CACNA1C: variants seen among roughly 807,000 people sequenced by gnomAD.
The protein encoded by CACNA1C is calcium voltage-gated channel subunit alpha1 C, also known as voltage-dependent L-type calcium channel subunit alpha-1C.
In CACNA1C, 30 loss-of-function variants were observed where a neutral mutation model predicts 229.0. The ratio of observed to expected loss-of-function variants is 0.13; its 90% CI spans 0.10 to 0.18. The LOEUF is 0.18. Ranked by LOEUF, CACNA1C falls within the 10% of genes least tolerant of loss-of-function variation. The pLI is 1.00. For synonymous variants in CACNA1C, 1,114 were observed against 1,132.5 expected, an observed-to-expected ratio of 0.98 and a Z score of 0.33; for missense variants, 1,658 against 2,845.0, an observed-to-expected ratio of 0.58 and a Z score of 9.49.
At chr12:2,286,656 G>A (rs1310657019) in intron 3 of CACNA1C, among the ~76,000 whole-genome samples, 1 of 152,142 alleles carries the variant, frequency 6.6e-6, no homozygotes, top group Non-Finnish European at 1.5e-5. Flanking sequence ...GAGTGGAGGA[G>A]GCGCAGTCCC....
chr12:2,110,492 A>G (rs1252137517), intron 1 of CACNA1C, among the ~76,000 whole-genome samples: 1 of 152,238 alleles, frequency 6.6e-6, no homozygotes, highest in African/African-American at 2.4e-5. Flanking sequence ...GCTGGCAGCC[A>G]GGAGGCTGAG....
chr12:2,212,417 T>G (rs1486022485), intron 3 of CACNA1C, among the ~76,000 whole-genome samples: 3 of 152,232 alleles, frequency 2.0e-5, no homozygotes, highest in African/African-American at 7.2e-5. Context: ...ATGCAGGTTC[T>G]GTGTTTGAGG....
At chr12:2,627,659 C>A (rs565587883) in intron 29 of CACNA1C, among the ~76,000 whole-genome samples, 1 of 152,114 alleles carries the variant, frequency 6.6e-6, no homozygotes, top group Non-Finnish European at 1.5e-5. Flanking sequence ...TCCCTAGGTC[C>A]GGTGAAGCCA....
chr12:2,334,977 T>C (rs968995498), intron 3 of CACNA1C, among the ~76,000 whole-genome samples: 1 of 152,176 alleles, frequency 6.6e-6, no homozygotes, highest in African/African-American at 2.4e-5. Flanking sequence ...TTTTCCCCCA[T>C]AGACCTATCC....
chr12:2,001,787 T>G (rs893628451), intron 1 of CACNA1C, among the ~76,000 whole-genome samples: 8 of 152,198 alleles, frequency 5.3e-5, no homozygotes, highest in Admixed American at 3.3e-4. Context: ...CGTTAGTCAC[T>G]TTAGGGCAGT....
intron 9 of CACNA1C, among the ~76,000 whole-genome samples, chr12:2,529,097 G>A (rs573772859): frequency 1.1e-4 from 16 of 152,300 alleles, no homozygotes; most frequent in Middle Eastern, 3.4e-3. Flanking sequence ...TTAACTACAT[G>A]ACTTTTAGCT....
chr12:2,525,276 G>T (rs1343458311), intron 9 of CACNA1C, among the ~76,000 whole-genome samples: 1 of 152,184 alleles, frequency 6.6e-6, no homozygotes, highest in African/African-American at 2.4e-5. Context: ...GCGGAGTGGG[G>T]GTCAGTCAGA....
At chr12:2,384,028 A>G (rs533607164) in intron 3 of CACNA1C, among the ~76,000 whole-genome samples, 3 of 152,344 alleles carry the variant, frequency 2.0e-5, no homozygotes, top group East Asian at 3.9e-4. Context: ...CCACCCCTAC[A>G]TGGAGAACCT....
chr12:2,327,075 GA>G (rs112526054), intron 3 of CACNA1C, among the ~76,000 whole-genome samples: 4,821 of 152,324 alleles, frequency 0.032, 169 homozygotes, highest in African/African-American at 0.082. Context: ...AGTAGGAGAT[GA>G]TCAGCTAGTG....
chr12:2,527,022 TA>T (rs1185867352), intron 9 of CACNA1C, among the ~76,000 whole-genome samples: 2 of 152,214 alleles, frequency 1.3e-5, no homozygotes, highest in Non-Finnish European at 2.9e-5. Flanking sequence ...CCTTTCTGAA[TA>T]TATATATTTG....
intron 1 of CACNA1C, among the ~76,000 whole-genome samples, chr12:2,018,655 T>C (rs1235925126): frequency 6.6e-6 from 1 of 152,204 alleles, no homozygotes; most frequent in Non-Finnish European, 1.5e-5. Context: ...CGGAGCTCAT[T>C]CAGGCCCTCT....
intron 3 of CACNA1C, among the ~76,000 whole-genome samples, chr12:2,330,282 C>T (rs1398709691): frequency 2.0e-5 from 3 of 152,136 alleles, no homozygotes; most frequent in African/African-American, 2.4e-5. Context: ...GGAAATGTAT[C>T]GGTGTGGGAG....
chr12:2,125,776 A>G (rs759415168), intron 3 of CACNA1C, among the ~76,000 whole-genome samples: 1 of 152,008 alleles, frequency 6.6e-6, no homozygotes, highest in Non-Finnish European at 1.5e-5. Flanking sequence ...GTGTGATTGG[A>G]TCCACCTTCA....
intron 5 of CACNA1C, among the ~76,000 whole-genome samples, chr12:2,458,362 T>C (rs912176751): frequency 6.6e-6 from 1 of 152,096 alleles, no homozygotes; most frequent in Non-Finnish European, 1.5e-5. Context: ...TTCTGCCACT[T>C]CTCCAGAAGC....
intron 3 of CACNA1C, among the ~76,000 whole-genome samples, chr12:2,263,351 A>G (rs1003033120): frequency 3.9e-5 from 6 of 152,110 alleles, no homozygotes; most frequent in South Asian, 2.1e-4. Context: ...GGAGGCAGGT[A>G]TGGCTGGAAC....
At chr12:2,460,106 G>C (rs565872819) in intron 5 of CACNA1C, among the ~76,000 whole-genome samples, 2 of 152,342 alleles carry the variant, frequency 1.3e-5, no homozygotes, top group South Asian at 4.1e-4. Context: ...CACATTCTGC[G>C]TGCCATCCAA....
chr12:2,550,233 T>G, intron 10 of CACNA1C, among the ~76,000 whole-genome samples, 200 bp downstream of exon 10: 1 of 151,546 alleles, frequency 6.6e-6, no homozygotes, highest in East Asian at 1.9e-4. Flanking sequence ...CGGGGGTGAG[T>G]CTTAAAATCA....
chr12:2,209,205 T>G (rs1210515383), intron 3 of CACNA1C, among the ~76,000 whole-genome samples: 1 of 152,244 alleles, frequency 6.6e-6, no homozygotes, highest in Admixed American at 6.5e-5. Context: ...ATGAGGTATG[T>G]GATTATAAGA....
Position 2,610,570 on chromosome 12 carries a change from C to G in CACNA1C, c.3588C>G (p.Ala1196=). 1 of 1,613,970 alleles carries G rather than the reference C, an allele frequency of 6.2e-7. No homozygotes were observed. Among genetic ancestry groups the G allele is most frequent in the South Asian group, 1.1e-5 (1 of 91,076 alleles). ...AGTGCGTGGAATACGCCCTCAAGGC[C>G]CGGCCCCTGCGGAGGTACATCCCCA... ...QRQCVEYALK[A]RPLRRYIPKN... Residue 1196 remains alanine, a synonymous_variant, in exon 28 of 47, where the codon GCC becomes GCG. Transcript: ENST00000399655.
Sources: allele counts gnomAD v4.1 joint callset (sites outside exome capture counted in the v4.1 genomes callset), GRCh38; gene constraint gnomAD v4.1.1; transcripts MANE v1.5; gene names NCBI Gene and HGNC (gene_info 2026-07-23, HGNC 2026-07-21).